Variants in MYO5A observed in about 807,000 individuals in gnomAD.
MYO5A encodes unconventional myosin-Va.
MYO5A carries 98 observed loss-of-function variants against 249.7 expected under a neutral mutation model. The observed-to-expected ratio is 0.39, with a 90% confidence interval of 0.33 to 0.46. The LOEUF is 0.46. Among genes scored for constraint, MYO5A ranks in the 20% least tolerant of loss-of-function variants. The pLI, the probability that MYO5A is intolerant of heterozygous loss-of-function variation, is 0.98. For synonymous variants in MYO5A, 778 were observed against 810.6 expected (o/e 0.96, Z 0.68); for missense variants, 1,696 against 2,308.8 (o/e 0.73, Z 5.44).
intron 1 of MYO5A, among the ~76,000 whole-genome samples, chr15:52,504,054 C>CTCCTTTTTTTT (rs1555386579): frequency 8.1e-6 from 1 of 122,992 alleles, no homozygotes; most frequent in Non-Finnish European, 1.7e-5. Flanking sequence ...GTTTCTCCTT[C>CTCCTTTTTTTT]TTTTTTTTTT....
rs1239665579 is a variant in MYO5A, at chr15:52,370,541, CA to C, written c.2818-125del. 7.3e-6 allele frequency: 7 copies of C among 964,042 alleles called. No individual in the cohort carries two copies. In the African/African-American group the frequency reaches 1.1e-4, roughly 16 times the overall value. 59.7% of individuals were successfully genotyped at this position (964,042 alleles called of 1,614,324 possible). A position where few individuals can be genotyped will look rare whatever the true frequency, so the allele number is the denominator to read the frequency against. ...TCATAACATTGATATAGTATCCAAC[CA>C]AAATACTACAACATTTGCAATAGCA... On this transcript the variant is annotated intron_variant, in intron 21 of 41. Coordinates refer to ENST00000399233, the MANE Select transcript of MYO5A (RefSeq NM_001382347.1).
At chr15:52,521,174 G>A (rs1041795576) in intron 1 of MYO5A, among the ~76,000 whole-genome samples, 3 of 150,992 alleles carry the variant, frequency 2.0e-5, no homozygotes, top group African/African-American at 7.3e-5. Context: ...GTTGCAGTGA[G>A]CTGAGATCAC....
intron 2 of MYO5A, among the ~76,000 whole-genome samples, chr15:52,430,254 G>A (rs2075496908): frequency 6.6e-6 from 1 of 152,138 alleles, no homozygotes; most frequent in Non-Finnish European, 1.5e-5. Context: ...GTCTGTTCTG[G>A]TATTAGCCAG....
At chr15:52,402,996 GA>G (rs1317716660) in intron 9 of MYO5A, among the ~76,000 whole-genome samples, 1 of 152,078 alleles carries the variant, frequency 6.6e-6, no homozygotes, top group African/African-American at 2.4e-5. Context: ...AAAAATCATA[GA>G]ATTACAAGAA....
At chr15:52,467,150 A>C (rs1265488072) in intron 1 of MYO5A, among the ~76,000 whole-genome samples, 5 of 152,364 alleles carry the variant, frequency 3.3e-5, no homozygotes, top group Non-Finnish European at 7.3e-5. Flanking sequence ...CCTCAAAGGA[A>C]CAAAATAATT....
At chr15:52,383,260 A>G in intron 15 of MYO5A, 72 bp from the exon 16 acceptor site, 2 of 1,260,636 alleles carry the variant, frequency 1.6e-6, no homozygotes, top group South Asian at 1.2e-5. Context: ...ACAATGGGAA[A>G]TTCCCTTCCT....
Position 52,387,893 on chromosome 15 carries a change from C to G in MYO5A, c.1688G>C (p.Gly563Ala), listed in dbSNP as rs980664753. Residue 563 changes from glycine to alanine, a missense_variant, in exon 14 of 42, where the codon GGA (glycine) becomes GCA (alanine). This residue lies in a region of MYO5A where 277 missense variants were observed against 422.4 expected (regional missense o/e 0.66). Transcript: ENST00000399233. ...GGTGTCTTTATTCTTTTCGAGAAAT[C>G]CTTCACACTGGTATTCCACCTGAAA... ...FADKVEYQCE[G>A]FLEKNKDTVF... 1 of 1,611,756 alleles carries G rather than the reference C, an allele frequency of 6.2e-7. No individual in the cohort carries two copies. The highest frequency in any genetic ancestry group is 1.3e-5 in the African/African-American group (1 of 74,862).
At chr15:52,333,905 T>A (rs565752541) in intron 34 of MYO5A, among the ~76,000 whole-genome samples, 1 of 152,246 alleles carries the variant, frequency 6.6e-6, no homozygotes, top group Admixed American at 6.5e-5. Flanking sequence ...ACCTTGATTC[T>A]CTTTATTTGG....
chr15:52,459,703 G>A (rs1244384655), intron 1 of MYO5A, among the ~76,000 whole-genome samples: 1 of 152,310 alleles, frequency 6.6e-6, no homozygotes, highest in African/African-American at 2.4e-5. Context: ...AGACGGGGTG[G>A]CTGCCGGGCA....
intron 1 of MYO5A, among the ~76,000 whole-genome samples, chr15:52,507,110 C>T (rs1254520614): frequency 6.6e-6 from 1 of 152,140 alleles, no homozygotes; most frequent in Non-Finnish European, 1.5e-5. Context: ...CACAGCTGGC[C>T]CTAACTGCAA....
intron 40 of MYO5A, 121 bp from the exon 41 acceptor site, chr15:52,314,324 G>T: frequency 1.4e-6 from 1 of 733,850 alleles, no homozygotes; most frequent in East Asian, 2.7e-5. Flanking sequence ...GGGGTGGGCT[G>T]GGACCAGAAG....
At chr15:52,515,698 T>C (rs1021652901) in intron 1 of MYO5A, among the ~76,000 whole-genome samples, 3 of 152,144 alleles carry the variant, frequency 2.0e-5, no homozygotes, top group African/African-American at 7.2e-5. Context: ...TTTGGGGGGC[T>C]TGTGAAGATG....
At chr15:52,411,313 T>C (rs1312781125) in intron 5 of MYO5A, among the ~76,000 whole-genome samples, 2 of 152,218 alleles carry the variant, frequency 1.3e-5, no homozygotes, top group African/African-American at 4.8e-5. Flanking sequence ...TATTTATTAG[T>C]AGAGTATTAG....
intron 29 of MYO5A, among the ~76,000 whole-genome samples, chr15:52,347,309 T>C (rs983630917): frequency 3.3e-5 from 5 of 152,124 alleles, no homozygotes; most frequent in Non-Finnish European, 5.9e-5. Context: ...CAAACCTGTA[T>C]ATTCAGTACA....
chr15:52,424,801 T>C (rs1003631453), intron 4 of MYO5A, among the ~76,000 whole-genome samples: 3 of 152,256 alleles, frequency 2.0e-5, no homozygotes, highest in African/African-American at 2.4e-5. Context: ...CACAGTTTTA[T>C]ATTTTATTAT....
intron 1 of MYO5A, among the ~76,000 whole-genome samples, chr15:52,488,125 A>G (rs572196576): frequency 8.5e-5 from 13 of 152,200 alleles, no homozygotes; most frequent in South Asian, 2.1e-4. Context: ...AAAAAAACCC[A>G]TAAGGGGTTG....
chr15:52,382,855 G>A (rs760762073), intron 16 of MYO5A, among the ~76,000 whole-genome samples: 26 of 152,190 alleles, frequency 1.7e-4, no homozygotes, highest in Non-Finnish European at 3.7e-4. Context: ...CAGAATGCTT[G>A]GTTGACCTCA....
At chr15:52,426,619 T>C (rs1321232854) in intron 3 of MYO5A, among the ~76,000 whole-genome samples, 1 of 152,112 alleles carries the variant, frequency 6.6e-6, no homozygotes, top group African/African-American at 2.4e-5. Context: ...CGCAACACCA[T>C]GCCTGGCTAA....
At chr15:52,323,861 G>A (rs2038451105) in intron 36 of MYO5A, 1 of 262,450 alleles carries the variant, frequency 3.8e-6, no homozygotes. Context: ...AAAATTAGCT[G>A]GGTGTGGTGG....
Sources: allele counts gnomAD v4.1 joint callset (sites outside exome capture counted in the v4.1 genomes callset), GRCh38; gene constraint gnomAD v4.1.1; regional missense constraint gnomAD v4.1.1; transcripts MANE v1.5; gene names NCBI Gene and HGNC (gene_info 2026-07-23, HGNC 2026-07-21).